Variants in REV1 observed in about 807,000 individuals in gnomAD.
The protein encoded by REV1 is REV1 DNA directed polymerase, also known as translesion synthesis protein REV1.
Under a neutral mutation model 137.4 loss-of-function variants are expected in REV1, and 42 were observed. The observed-to-expected ratio is 0.31, with a 90% CI of 0.24 to 0.40. The LOEUF (loss-of-function observed/expected upper bound fraction) is 0.40, where lower values mean the gene tolerates loss of function less well. Among genes scored for constraint, REV1 ranks in the 10% least tolerant of loss-of-function variants. The pLI, the probability that REV1 is intolerant of heterozygous loss-of-function variation, is 1.00. For missense variants in REV1, 1,282 were observed against 1,490.1 expected (o/e 0.86, Z 2.30); for synonymous variants, 524 against 519.2 (o/e 1.01, Z -0.12).
chr2:99,482,407 C>T (rs181262731), intron 1 of REV1, among the ~76,000 whole-genome samples: 47 of 152,268 alleles, frequency 3.1e-4, no homozygotes, highest in African/African-American at 8.2e-4. Flanking sequence ...AATTATCAAA[C>T]GTGAGGTGTA....
At chr2:99,405,739 T>C (rs934660283) in intron 17 of REV1, 171 bp downstream of exon 17, 1 of 461,482 alleles carries the variant, frequency 2.2e-6, no homozygotes, top group South Asian at 6.7e-5. Flanking sequence ...AACCCAAATA[T>C]TGCTTATTTA....
Position 99,402,733 on chromosome 2 carries a change from C to A in REV1, c.3452G>T (p.Cys1151Phe). Residue 1151 changes from cysteine to phenylalanine, a missense_variant, in exon 21 of 23, where the codon TGT (cysteine) becomes TTT (phenylalanine). Coordinates refer to ENST00000258428, the MANE Select transcript of REV1 (RefSeq NM_016316.4). ...LSSLQSDPAGCVRPPAPNLAG... is the reference protein window; with the variant it reads ...LSSLQSDPAGFVRPPAPNLAG... ...TAGATTGGGTGCTGGAGGTCTCACACAGCCAGCTGGGTCAGACTGCAAACT... is the reference window on the plus strand; with the variant it reads ...TAGATTGGGTGCTGGAGGTCTCACAAAGCCAGCTGGGTCAGACTGCAAACT... 6.2e-7 allele frequency: 1 copy of A among 1,614,216 alleles called. No individual in the cohort carries two copies. The highest frequency in any genetic ancestry group is 8.5e-7 in the Non-Finnish European group (1 of 1,180,036).
chr2:99,456,865 A>G (rs1386487118), intron 3 of REV1, among the ~76,000 whole-genome samples: 1 of 152,218 alleles, frequency 6.6e-6, no homozygotes, highest in East Asian at 1.9e-4. Flanking sequence ...AAAAGAACAA[A>G]CAGAAACACA....
Position 99,405,996 on chromosome 2 carries a change from A to G in REV1, c.2725T>C (p.Ser909Pro). 6.2e-7 allele frequency: 1 copy of G among 1,614,074 alleles called. No individual in the cohort carries two copies. Among genetic ancestry groups the G allele is most frequent in the Non-Finnish European group, 8.5e-7 (1 of 1,179,996 alleles). Residue 909 changes from serine (S) to proline (P), a missense_variant, in exon 17 of 23, where the codon TCT becomes CCT. Around this residue, in one of 7 missense-constraint regions of REV1, gnomAD observed 135 missense variants for 123.3 expected, o/e 1.10. Coordinates refer to ENST00000258428, the MANE Select transcript of REV1 (RefSeq NM_016316.4). ...PTSPDTNKAE[S>P]SGKWNGLHTP... is the part of the protein sequence containing the mutation. ...TGTAGACCATTCCATTTCCCTGAAG[A>G]CTCAGCCTTGTTAGTATCAGGACTG...
intron 5 of REV1, among the ~76,000 whole-genome samples, 157 bp from the exon 6 acceptor site, chr2:99,439,467 C>G (rs943721192): frequency 6.6e-6 from 1 of 151,112 alleles, no homozygotes; most frequent in Non-Finnish European, 1.5e-5. Context: ...AAAAAAAAAC[C>G]CTGAAACTTA....
intron 18 of REV1, 105 bp downstream of exon 18, chr2:99,404,339 G>A (rs527706510): frequency 9.1e-6 from 7 of 770,394 alleles, no homozygotes; most frequent in Middle Eastern, 2.4e-4. Flanking sequence ...CCCAGTGGAT[G>A]TGGTGTCAGA....
At chr2:99,460,583 T>G (rs1684070433) in intron 3 of REV1, among the ~76,000 whole-genome samples, 1 of 152,184 alleles carries the variant, frequency 6.6e-6, no homozygotes, top group South Asian at 2.1e-4. Context: ...TTATTACATC[T>G]AAAGAGTTAT....
intron 14 of REV1, among the ~76,000 whole-genome samples, chr2:99,410,409 CCTTT>C (rs1365539809): frequency 3.9e-5 from 6 of 152,154 alleles, no homozygotes; most frequent in African/African-American, 1.4e-4. Context: ...GCAGCCTTGC[CCTTT>C]CTTTCTGTCC....
chr2:99,401,513 G>A (rs1675406753), intron 22 of REV1, among the ~76,000 whole-genome samples, 161 bp from the exon 23 acceptor site: 2 of 151,846 alleles, frequency 1.3e-5, no homozygotes, highest in African/African-American at 4.8e-5. Context: ...TTGGGAGGCC[G>A]AGGAGGGCGG....
intron 13 of REV1, among the ~76,000 whole-genome samples, chr2:99,412,056 AC>A (rs890200397): frequency 1.3e-5 from 2 of 150,748 alleles, no homozygotes; most frequent in African/African-American, 5.0e-5. Flanking sequence ...ACACGGTGAA[AC>A]CACGTCTCTA....
At chr2:99,407,080 C>CTTTGTTTTTTTTTTTTTTT (rs1676415061) in intron 15 of REV1, among the ~76,000 whole-genome samples, 1 of 60,026 alleles carries the variant, frequency 1.7e-5, no homozygotes, top group Non-Finnish European at 2.9e-5. Context: ...TACAAAGGTT[C>CTTTGTTTTTTTTTTTTTTT]TTTTTTTTTT....
intron 3 of REV1, among the ~76,000 whole-genome samples, chr2:99,454,571 A>G (rs1387118982): frequency 6.9e-6 from 1 of 144,962 alleles, no homozygotes; most frequent in Admixed American, 6.8e-5. Context: ...AAAAAAAAAA[A>G]AAAAAAAAAA....
At chr2:99,488,560 T>G (rs1687334916) in intron 1 of REV1, among the ~76,000 whole-genome samples, 1 of 151,720 alleles carries the variant, frequency 6.6e-6, no homozygotes, top group African/African-American at 2.4e-5. Flanking sequence ...GAGAGCCTTG[T>G]ATACTGGAGA....
chr2:99,468,073 G>A (rs567594274), intron 1 of REV1, among the ~76,000 whole-genome samples: 163 of 152,126 alleles, frequency 1.1e-3, no homozygotes, highest in Middle Eastern at 3.4e-3. Flanking sequence ...CCAGCTACTC[G>A]GAAGGCTGAG....
rs1161839476 is a variant in REV1, at chr2:99,429,900, G to A, written c.1487C>T (p.Ala496Val). The A allele has an allele frequency of 6.2e-7, 1 of 1,603,678 alleles. No homozygotes were observed. Among genetic ancestry groups the A allele is most frequent in the Non-Finnish European group, 8.5e-7 (1 of 1,175,324 alleles). ...TGACAAAACAGAATCAATTCCATTT[G>A]CTTGCGCAGAATCTGGATTCTCCCA... ...SLWENPDSAQ[A>V]NGIDSVLSRA... The change falls in exon 9 of 23, where the codon GCA (alanine) becomes GTA (valine). Residue 496 changes from alanine (A) to valine (V), a missense_variant. By Grantham distance (64) the Ala-to-Val change is moderately conservative (BLOSUM62 0). Coordinates refer to ENST00000258428, the MANE Select transcript of REV1 (RefSeq NM_016316.4).
chr2:99,486,075 T>C (rs1179933705), intron 1 of REV1, among the ~76,000 whole-genome samples: 1 of 152,000 alleles, frequency 6.6e-6, no homozygotes, highest in Non-Finnish European at 1.5e-5. Context: ...CAGTGAGCCG[T>C]GATCACACCA....
Position 99,405,906 on chromosome 2 carries a change from G to A in REV1, c.2811+4C>T, listed in dbSNP as rs755470756. The A allele has an allele frequency of 2.6e-6, 4 of 1,522,280 alleles. No individual in the cohort carries two copies. The highest frequency in any genetic ancestry group is 2.7e-6 in the Non-Finnish European group (3 of 1,130,878). The allele number at this position is 1,522,280 out of a possible 1,614,324, so 94.3% of individuals were successfully genotyped here. A position where few individuals can be genotyped will look rare whatever the true frequency, so the allele number is the denominator to read the frequency against. On this transcript the variant is annotated splice_donor_region_variant and intron_variant, in intron 17 of 22. Transcript: ENST00000258428. ...TACTTATATTTAGGACTACAAAAAT[G>A]TACCTGGGAAGGTGACGGGACCTCT...
At chr2:99,484,825 A>C (rs1208594205) in intron 1 of REV1, among the ~76,000 whole-genome samples, 1 of 152,234 alleles carries the variant, frequency 6.6e-6, no homozygotes, top group Non-Finnish European at 1.5e-5. Flanking sequence ...GGTGTCCCAC[A>C]GCAGACCGGT....
chr2:99,461,672 G>A (rs1008752263), intron 3 of REV1, among the ~76,000 whole-genome samples: 2 of 152,120 alleles, frequency 1.3e-5, no homozygotes, highest in Admixed American at 1.3e-4. Context: ...CAGAAAACCT[G>A]GTAACTAACA....
Sources: allele counts gnomAD v4.1 joint callset (sites outside exome capture counted in the v4.1 genomes callset), GRCh38; gene constraint gnomAD v4.1.1; regional missense constraint gnomAD v4.1.1; transcripts MANE v1.5; gene names NCBI Gene and HGNC (gene_info 2026-07-23, HGNC 2026-07-21).